SH3D19: variants seen among roughly 807,000 people sequenced by gnomAD.
SH3D19 encodes the protein SH3 domain-containing protein 19.
SH3D19 carries 58 observed loss-of-function variants against 112.1 expected under a neutral mutation model. That is an observed-to-expected ratio of 0.52 (90% confidence interval 0.42 to 0.64). SH3D19 has a LOEUF of 0.64. Ranked by LOEUF, SH3D19 falls within the 30% of genes least tolerant of loss-of-function variation. SH3D19 has a pLI of 0.00. For synonymous variants in SH3D19, 391 were observed against 448.5 expected (o/e 0.87, Z 1.62); for missense variants, 1,090 against 1,263.4 (o/e 0.86, Z 2.08).
intron 1 of SH3D19, among the ~76,000 whole-genome samples, chr4:151,281,766 TAAA>T (rs1774259201): frequency 6.6e-6 from 1 of 152,164 alleles, no homozygotes; most frequent in Non-Finnish European, 1.5e-5. Flanking sequence ...TATTTTGCTT[TAAA>T]ATTTTATTCA....
chr4:151,198,947 C>A (rs1048507538), intron 2 of SH3D19, among the ~76,000 whole-genome samples: 1 of 151,638 alleles, frequency 6.6e-6, no homozygotes, highest in Non-Finnish European at 1.5e-5. Flanking sequence ...AGGCACGAAA[C>A]CTTTACTCTA....
chr4:151,139,947 T>C, intron 12 of SH3D19, 100 bp from the exon 13 acceptor site: 1 of 906,422 alleles, frequency 1.1e-6, no homozygotes. Flanking sequence ...AGAGTCCTCT[T>C]GACACAATTA....
At chr4:151,322,368 G>C (rs556256654) in intron 1 of SH3D19, among the ~76,000 whole-genome samples, 36 of 149,790 alleles carry the variant, frequency 2.4e-4, no homozygotes, top group African/African-American at 8.7e-4. Context: ...GGGAGGTGAA[G>C]GTTGCAGTGA....
chr4:151,190,561 C>T (rs921457889), intron 2 of SH3D19, among the ~76,000 whole-genome samples: 5 of 152,170 alleles, frequency 3.3e-5, no homozygotes, highest in African/African-American at 9.7e-5. Context: ...AAGGGGACAA[C>T]GTAGAGCTTG....
intron 1 of SH3D19, chr4:151,227,878 T>C: frequency 3.0e-6 from 3 of 985,366 alleles, no homozygotes; most frequent in East Asian, 1.1e-4. Flanking sequence ...TTCCTAGTGG[T>C]ACAACACACA....
intron 1 of SH3D19, chr4:151,283,377 G>C: frequency 8.7e-7 from 1 of 1,148,750 alleles, no homozygotes; most frequent in African/African-American, 1.5e-5. Context: ...TGGATTGGGA[G>C]TCAGGAGATG....
intron 8 of SH3D19, among the ~76,000 whole-genome samples, chr4:151,160,449 A>G (rs1756958567): frequency 6.6e-6 from 1 of 152,220 alleles, no homozygotes; most frequent in Non-Finnish European, 1.5e-5. Context: ...TTAAACAAAC[A>G]ATACCTTTAC....
chr4:151,313,595 T>A (rs1029136248), intron 1 of SH3D19, among the ~76,000 whole-genome samples: 2 of 152,102 alleles, frequency 1.3e-5, no homozygotes, highest in Non-Finnish European at 2.9e-5. Flanking sequence ...GTATTTTATT[T>A]TTTATAAAGT....
At chr4:151,218,581 T>G (rs1767515596) in intron 2 of SH3D19, among the ~76,000 whole-genome samples, 1 of 151,994 alleles carries the variant, frequency 6.6e-6, no homozygotes, top group Non-Finnish European at 1.5e-5. Flanking sequence ...CCCAGCTAAT[T>G]CCCAGGAGTT....
chr4:151,233,795 C>T (rs6826741), intron 1 of SH3D19, among the ~76,000 whole-genome samples: 4 of 152,214 alleles, frequency 2.6e-5, no homozygotes, highest in Non-Finnish European at 5.9e-5. Flanking sequence ...ACTCACTTCA[C>T]ACTAAGCATG....
intron 1 of SH3D19, chr4:151,300,447 A>T (rs1244820378): frequency 1.3e-5 from 2 of 152,196 alleles, no homozygotes; most frequent in Non-Finnish European, 2.9e-5. Flanking sequence ...AAAGCCATGT[A>T]AGCTGAGTGT....
intron 1 of SH3D19, among the ~76,000 whole-genome samples, chr4:151,263,095 A>G (rs1018893276): frequency 6.6e-6 from 1 of 152,194 alleles, no homozygotes; most frequent in Non-Finnish European, 1.5e-5. Context: ...CATAAGCCTA[A>G]TTTGCTTGTT....
At chr4:151,210,787 T>C (rs1038341693) in intron 2 of SH3D19, among the ~76,000 whole-genome samples, 8 of 152,236 alleles carry the variant, frequency 5.3e-5, no homozygotes, top group Admixed American at 2.0e-4. Context: ...TGTTGACTAT[T>C]AATGATTTTA....
At chr4:151,282,753 C>T (rs1774374690) in intron 1 of SH3D19, among the ~76,000 whole-genome samples, 1 of 151,660 alleles carries the variant, frequency 6.6e-6, no homozygotes. Context: ...TACGTCAACT[C>T]TTTCCCAGGT....
At chr4:151,147,851 G>A in intron 11 of SH3D19, 71 bp downstream of exon 11, 1 of 1,487,788 alleles carries the variant, frequency 6.7e-7, no homozygotes. Flanking sequence ...CTTTTTCTAA[G>A]GAATGATGAA....
intron 1 of SH3D19, among the ~76,000 whole-genome samples, chr4:151,283,923 T>C (rs1774493503): frequency 6.6e-6 from 1 of 152,226 alleles, no homozygotes; most frequent in Admixed American, 6.5e-5. Context: ...TCATAACTGA[T>C]GAAAAATCAG....
intron 1 of SH3D19, chr4:151,226,361 G>A: frequency 9.1e-7 from 1 of 1,097,574 alleles, no homozygotes; most frequent in Middle Eastern, 4.1e-4. Flanking sequence ...TCTTTCCTGT[G>A]CTAAATACTT....
chr4:151,286,543 G>A (rs1379930742), intron 1 of SH3D19, among the ~76,000 whole-genome samples: 1 of 146,606 alleles, frequency 6.8e-6, no homozygotes, highest in Admixed American at 6.8e-5. Flanking sequence ...ACTTACCTAA[G>A]AAGAAATAGA....
intron 17 of SH3D19, among the ~76,000 whole-genome samples, chr4:151,132,104 A>T (rs190177589): frequency 6.6e-6 from 1 of 152,312 alleles, no homozygotes; most frequent in East Asian, 1.9e-4. Context: ...GATTACAGGC[A>T]TGAGCCACTC....
Sources: gnomAD v4.1 joint callset for allele counts (sites outside exome capture counted in the v4.1 genomes callset) on GRCh38, gnomAD v4.1.1 for gene constraint, MANE v1.5 for transcripts, NCBI Gene and HGNC (gene_info 2026-07-23, HGNC 2026-07-21) for gene names.